Variants in TENM4 observed in about 807,000 individuals in gnomAD.
TENM4 encodes the protein teneurin transmembrane protein 4.
Under a neutral mutation model 243.3 loss-of-function variants are expected in TENM4, and 82 were observed. The observed-to-expected ratio is 0.34, with a 90% CI of 0.28 to 0.40. The LOEUF (loss-of-function observed/expected upper bound fraction) is 0.40. Among genes scored for constraint, TENM4 ranks in the 10% least tolerant of loss-of-function variants. The pLI, the probability that TENM4 is intolerant of heterozygous loss-of-function variation, is 1.00. For missense variants in TENM4, 3,138 were observed against 3,673.3 expected, an observed-to-expected ratio of 0.85 and a Z score of 3.77; for synonymous variants, 1,412 against 1,456.3, an observed-to-expected ratio of 0.97 and a Z score of 0.69.
intron 12 of TENM4, among the ~76,000 whole-genome samples, chr11:78,839,816 A>G (rs1858210698): frequency 1.3e-5 from 2 of 152,156 alleles, no homozygotes; most frequent in African/African-American, 4.8e-5. Flanking sequence ...ATGACTTAGT[A>G]TTGTCCTCAG....
intron 4 of TENM4, among the ~76,000 whole-genome samples, chr11:79,126,026 A>C (rs1013121532): frequency 2.0e-5 from 3 of 152,222 alleles, no homozygotes; most frequent in African/African-American, 7.2e-5. Flanking sequence ...ATCAGGCTGA[A>C]TTTATTGATT....
intron 25 of TENM4, among the ~76,000 whole-genome samples, chr11:78,718,637 G>A (rs1289220552): frequency 6.6e-6 from 1 of 152,166 alleles, no homozygotes; most frequent in Non-Finnish European, 1.5e-5. Flanking sequence ...TCCAAGACCT[G>A]CATGTGAAAT....
intron 6 of TENM4, among the ~76,000 whole-genome samples, chr11:78,941,116 G>A (rs941258484): frequency 1.3e-5 from 2 of 152,208 alleles, no homozygotes; most frequent in Admixed American, 6.5e-5. Context: ...AGCCTGGCGG[G>A]TGCAAAGACT....
intron 6 of TENM4, among the ~76,000 whole-genome samples, chr11:78,963,482 C>T (rs756784450): frequency 6.6e-6 from 1 of 152,208 alleles, no homozygotes; most frequent in Non-Finnish European, 1.5e-5. Flanking sequence ...TTTTCTCCCA[C>T]CTTGAGTGAC....
At chr11:79,140,465 T>A (rs1371201823) in intron 4 of TENM4, among the ~76,000 whole-genome samples, 1 of 152,094 alleles carries the variant, frequency 6.6e-6, no homozygotes, top group African/African-American at 2.4e-5. Context: ...GTCAAAATAG[T>A]CAGCAATCCA....
chr11:79,313,184 A>G (rs1241873609), intron 1 of TENM4, among the ~76,000 whole-genome samples: 3 of 152,204 alleles, frequency 2.0e-5, no homozygotes. Context: ...AGATTACAAA[A>G]TGGAAGGGAG....
At chr11:79,308,099 C>T (rs904663109) in intron 1 of TENM4, among the ~76,000 whole-genome samples, 15 of 152,290 alleles carry the variant, frequency 9.8e-5, no homozygotes, top group East Asian at 1.9e-4. Context: ...GTGGAGAGGC[C>T]GGAGGCAGAG....
chr11:79,053,278 C>G (rs1158672817), intron 6 of TENM4, among the ~76,000 whole-genome samples: 2 of 152,126 alleles, frequency 1.3e-5, no homozygotes, highest in East Asian at 3.9e-4. Context: ...TGACCTGCAG[C>G]TTTATTTATT....
chr11:79,222,950 G>A (rs1197844274), intron 2 of TENM4, among the ~76,000 whole-genome samples: 1 of 152,002 alleles, frequency 6.6e-6, no homozygotes, highest in Non-Finnish European at 1.5e-5. Flanking sequence ...ACACATGAAC[G>A]CAGGGAGGGA....
chr11:79,267,842 A>G (rs1855906692), intron 2 of TENM4, among the ~76,000 whole-genome samples: 1 of 152,198 alleles, frequency 6.6e-6, no homozygotes. Flanking sequence ...CCTGCCCCAG[A>G]TGTACCACTT....
At chr11:79,209,236 G>A (rs1463624861) in intron 3 of TENM4, among the ~76,000 whole-genome samples, 1 of 152,120 alleles carries the variant, frequency 6.6e-6, no homozygotes, top group Non-Finnish European at 1.5e-5. Context: ...GCATCAAAGG[G>A]GTTTTGGAAG....
In TENM4 at chr11:79,081,502, G is replaced by A. The variant is rs150548198; in HGVS notation, c.-65-11493C>T. On this transcript the variant is annotated intron_variant, in intron 4 of 33. Transcript: ENST00000278550. The stretch of plus-strand genomic sequence containing the variant: ...CTGATCACAGCTGGGAGGACAGCAG[G>A]GATTACCCAGGCTGTCCTTCCTGTC... Among the ~76,000 whole-genome samples, 524 of 151,494 alleles carry A rather than the reference G, an allele frequency of 3.5e-3. 2 individuals are homozygous for A. The highest frequency in any genetic ancestry group is 6.0e-3 in the Non-Finnish European group (404 of 67,858).
intron 2 of TENM4, among the ~76,000 whole-genome samples, chr11:79,282,799 G>A (rs1483092821): frequency 1.4e-5 from 2 of 139,932 alleles, no homozygotes; most frequent in Non-Finnish European, 3.1e-5. Context: ...GCATTTGTGT[G>A]GAAATATTTA....
At position 78,714,249 on chromosome 11, in the gene TENM4, T is replaced by G. The variant is rs1590961169; in HGVS notation, c.3822-1535A>C. 2.0e-5 allele frequency among the ~76,000 whole-genome samples: 3 copies of G among 152,350 alleles called. No homozygotes were observed. In the South Asian group the frequency reaches 6.2e-4, roughly 32 times the overall value. Reference sequence around the variant, plus strand: ...TTTTATTTTACAGATTTGTGTTTTTTGAATTCCCTATGAAGGCTGGGGCAC... The same window carrying G: ...TTTTATTTTACAGATTTGTGTTTTTGGAATTCCCTATGAAGGCTGGGGCAC... On this transcript the variant is annotated intron_variant, in intron 25 of 33. Transcript: ENST00000278550.
At chr11:78,754,933 C>T (rs898677437) in intron 19 of TENM4, among the ~76,000 whole-genome samples, 5 of 152,194 alleles carry the variant, frequency 3.3e-5, no homozygotes, top group Admixed American at 1.3e-4. Context: ...TTTCTCATCT[C>T]GTCACGACTC....
At chr11:78,707,194 A>G (rs1859277718) in intron 27 of TENM4, among the ~76,000 whole-genome samples, 1 of 152,230 alleles carries the variant, frequency 6.6e-6, no homozygotes, top group Non-Finnish European at 1.5e-5. Context: ...ATGTTGCTGG[A>G]GCTGAAATCA....
intron 1 of TENM4, among the ~76,000 whole-genome samples, chr11:79,351,010 C>T (rs1857405547): frequency 6.6e-6 from 1 of 152,098 alleles, no homozygotes; most frequent in Admixed American, 6.5e-5. Context: ...TGCTTGACCT[C>T]CCCGGCCATA....
chr11:78,897,839 G>A (rs1237520253), intron 7 of TENM4, among the ~76,000 whole-genome samples: 1 of 152,184 alleles, frequency 6.6e-6, no homozygotes, highest in East Asian at 1.9e-4. Context: ...AGACCACCAG[G>A]ATGGCCCCCA....
chr11:79,137,984 G>C (rs980069954), intron 4 of TENM4, among the ~76,000 whole-genome samples: 6 of 151,892 alleles, frequency 4.0e-5, no homozygotes, highest in South Asian at 4.2e-4. Flanking sequence ...ACTGATCCTG[G>C]GTGTGTGTGT....
Sources: allele counts gnomAD v4.1 joint callset (sites outside exome capture counted in the v4.1 genomes callset), GRCh38; gene constraint gnomAD v4.1.1; transcripts MANE v1.5; gene names NCBI Gene and HGNC (gene_info 2026-07-23, HGNC 2026-07-21).